PIEZO2: variants seen among roughly 807,000 people sequenced by gnomAD.
PIEZO2 encodes piezo-type mechanosensitive ion channel component 2.
Under a neutral mutation model 337.3 loss-of-function variants are expected in PIEZO2, and 172 were observed. The ratio of observed to expected loss-of-function variants is 0.51; its 90% CI spans 0.45 to 0.58. PIEZO2 has a LOEUF of 0.58. Ranked by LOEUF, PIEZO2 falls within the 20% of genes least tolerant of loss-of-function variation. The pLI is 0.00. For missense variants in PIEZO2, 3,028 were observed against 3,391.3 expected, an observed-to-expected ratio of 0.89 and a Z score of 2.66; for synonymous variants, 1,251 against 1,228.5, an observed-to-expected ratio of 1.02 and a Z score of -0.38.
intron 4 of PIEZO2, among the ~76,000 whole-genome samples, chr18:10,876,533 T>C (rs979237499): frequency 1.3e-5 from 2 of 152,312 alleles, no homozygotes; most frequent in East Asian, 1.9e-4. Context: ...TAATAAGTCT[T>C]TAATAATTTG....
chr18:11,008,811 G>T (rs1450634549), intron 2 of PIEZO2, among the ~76,000 whole-genome samples: 1 of 152,152 alleles, frequency 6.6e-6, no homozygotes, highest in Non-Finnish European at 1.5e-5. Flanking sequence ...GGGGTGACAG[G>T]CCAGCTAGGT....
chr18:10,804,049 C>G, intron 8 of PIEZO2, 55 bp from the exon 9 acceptor site: 2 of 1,523,840 alleles, frequency 1.3e-6, no homozygotes, highest in African/African-American at 2.8e-5. Context: ...CCTAGACAGC[C>G]TGGGTGGCCA....
rs1872029 is a variant in PIEZO2 at position 11,009,808 on chromosome 18, T to C, written c.161-30148A>G. Reference sequence around the variant, plus strand: ...CCTAATCCAGTATGCCCGGTGTCCTTGTAAGAAGAGGAGAGTAGGACGCGG... The same window carrying C: ...CCTAATCCAGTATGCCCGGTGTCCTCGTAAGAAGAGGAGAGTAGGACGCGG... On this transcript the variant is annotated intron_variant, in intron 2 of 55. Coordinates refer to ENST00000674853, the MANE Select transcript of PIEZO2 (RefSeq NM_001378183.1). The surrounding 1 kb of genome is among the most constrained non-coding windows in gnomAD (Gnocchi z 4.6). Among the ~76,000 whole-genome samples, 47,565 of 151,692 alleles carry C rather than the reference T, an allele frequency of 0.31. 7,763 individuals carry two copies. The highest frequency in any genetic ancestry group is 0.36 in the Non-Finnish European group (24,545 of 67,894).
chr18:10,785,588 C>G (rs1039157874), intron 16 of PIEZO2, among the ~76,000 whole-genome samples: 5 of 152,194 alleles, frequency 3.3e-5, no homozygotes, highest in Admixed American at 6.5e-5. Flanking sequence ...TATCCCTGAA[C>G]CAATAAATGG....
chr18:10,699,452 T>C (rs990817389), intron 43 of PIEZO2, among the ~76,000 whole-genome samples: 1 of 152,004 alleles, frequency 6.6e-6, no homozygotes, highest in Non-Finnish European at 1.5e-5. Context: ...AAAGGGGAGT[T>C]TCCCTGAACA....
intron 2 of PIEZO2, among the ~76,000 whole-genome samples, chr18:11,061,643 A>T (rs993939352): frequency 1.3e-5 from 2 of 151,836 alleles, no homozygotes; most frequent in African/African-American, 4.8e-5. Flanking sequence ...TCATGAGTGA[A>T]CTCCCATTCA....
intron 1 of PIEZO2, among the ~76,000 whole-genome samples, chr18:11,113,623 C>A (rs2039799999): frequency 6.6e-6 from 1 of 152,186 alleles, no homozygotes. Context: ...TCACATGATA[C>A]CCTTACCTCT....
rs1289868076 is a variant in PIEZO2, at chr18:10,820,340, GT to G, written c.918-13067del. 1.9e-3 allele frequency among the ~76,000 whole-genome samples: 282 copies of G among 144,638 alleles called. 1 individual carries two copies. Among genetic ancestry groups the G allele is most frequent in the African/African-American group, 5.4e-3 (217 of 39,848 alleles). The allele number at this position is 144,638 out of a possible 152,430, so 94.9% of individuals were successfully genotyped here. On this transcript the variant is annotated intron_variant, in intron 7 of 55. Transcript: ENST00000674853. ...GTCCTATAGCTTATGTGGTTCAGTG[GT>G]TTTTTTTTTTTCTTCCTCAATTTCT... is the stretch of plus-strand genomic sequence containing the variant.
In PIEZO2 at chr18:11,080,129, C is replaced by G. The variant is rs2038686510; in HGVS notation, c.65-13907G>C. Among the ~76,000 whole-genome samples, 2 of 150,950 alleles carry G rather than the reference C, an allele frequency of 1.3e-5. No individual in the cohort carries two copies. Among genetic ancestry groups the G allele is most frequent in the South Asian group, 4.2e-4 (2 of 4,728 alleles). ...CTAACCACTCCACACTGCTACCTCT[C>G]TCATCTACACAGAAAACACCTATAA... On this transcript the variant is annotated intron_variant, in intron 1 of 55. Coordinates refer to ENST00000674853, the MANE Select transcript of PIEZO2 (RefSeq NM_001378183.1). The surrounding 1 kb of genome is among the most constrained non-coding windows in gnomAD (Gnocchi z 5.4).
At chr18:10,689,863 C>A in intron 48 of PIEZO2, 61 bp from the exon 49 acceptor site, 1 of 1,544,410 alleles carries the variant, frequency 6.5e-7, no homozygotes, top group Non-Finnish European at 8.7e-7. Context: ...ACCCTGCTCA[C>A]CCAGGAGCTC....
At chr18:10,885,349 G>A (rs543896171) in intron 4 of PIEZO2, among the ~76,000 whole-genome samples, 18 of 152,242 alleles carry the variant, frequency 1.2e-4, no homozygotes, top group African/African-American at 2.9e-4. Flanking sequence ...GCATGAACCC[G>A]GGAGGTGGAG....
At chr18:10,947,976 A>T (rs264154) in intron 3 of PIEZO2, among the ~76,000 whole-genome samples, 85,979 of 151,148 alleles carry the variant, frequency 0.57, 24,713 homozygotes, top group African/African-American at 0.62. Context: ...TAAAAATGAA[A>T]TTTAAAAGCA....
At chr18:10,970,409 G>T (rs948697062) in intron 3 of PIEZO2, among the ~76,000 whole-genome samples, 1 of 152,162 alleles carries the variant, frequency 6.6e-6, no homozygotes, top group Admixed American at 6.5e-5. Flanking sequence ...GCATGCACAC[G>T]GGTGCCCAGG....
At chr18:10,866,959 C>T (rs1278272766) in intron 5 of PIEZO2, among the ~76,000 whole-genome samples, 1 of 152,096 alleles carries the variant, frequency 6.6e-6, no homozygotes, top group Non-Finnish European at 1.5e-5. Context: ...GAAGTTTTGC[C>T]CAGTTTCTGA....
At chr18:10,911,774 A>AAGC (rs1568190952) in intron 3 of PIEZO2, among the ~76,000 whole-genome samples, 6 of 150,264 alleles carry the variant, frequency 4.0e-5, no homozygotes, top group African/African-American at 1.5e-4. Context: ...AAACAAAACA[A>AAGC]AACAACAACA....
rs1025096635 is a variant in PIEZO2 at position 11,128,553 on chromosome 18, G to A, written c.64+19972C>T. ...GAACAGCTTCCCCATCCCCAGTAGCGGCAACATCCCTTCCCAAACCACGCT... is the reference window on the plus strand; with the variant it reads ...GAACAGCTTCCCCATCCCCAGTAGCAGCAACATCCCTTCCCAAACCACGCT... On this transcript the variant is annotated intron_variant, in intron 1 of 55. Transcript: ENST00000674853. The surrounding 1 kb of genome is among the most constrained non-coding windows in gnomAD (Gnocchi z 4.1). Among the ~76,000 whole-genome samples the A allele has an allele frequency of 6.6e-6, 1 of 152,096 alleles. No homozygotes were observed. The highest frequency in any genetic ancestry group is 3.2e-3 in the Middle Eastern group (1 of 316).
At chr18:11,050,891 C>G (rs1415318082) in intron 2 of PIEZO2, among the ~76,000 whole-genome samples, 2 of 145,140 alleles carry the variant, frequency 1.4e-5, no homozygotes, top group African/African-American at 5.5e-5. Context: ...CAAAATTTAC[C>G]AGGTTTAAAA....
Position 10,837,897 on chromosome 18 carries a change from G to A in PIEZO2, c.917+17456C>T, listed in dbSNP as rs898405299. ...CTCCCGAGTAGCTGGGATTACTGGT[G>A]CCTGCCACCATGCCCGGCTAATTTT... On this transcript the variant is annotated intron_variant, in intron 7 of 55. Transcript: ENST00000674853. This position sits in a 1 kb window ranked among gnomAD's most constrained non-coding sequence, Gnocchi z 4.4. 2.0e-5 allele frequency among the ~76,000 whole-genome samples: 3 copies of A among 152,036 alleles called. No homozygotes were observed. The highest frequency in any genetic ancestry group is 4.4e-5 in the Non-Finnish European group (3 of 68,002).
At position 10,904,778 on chromosome 18, in the gene PIEZO2, C is replaced by G. The variant is rs2043134873; in HGVS notation, c.329+6408G>C. Among the ~76,000 whole-genome samples, 6 of 152,362 alleles carry G rather than the reference C, an allele frequency of 3.9e-5. No individual in the cohort carries two copies. The South Asian group carries it at 1.2e-3, about 32-fold the overall frequency. ...TTTAATACGAGCAAGAAATCACCCT[C>G]TGGTCTTTTAAGTCACTGAGATATG... On this transcript the variant is annotated intron_variant, in intron 4 of 55. Transcript: ENST00000674853.
Sources: gnomAD v4.1 joint callset for allele counts (sites outside exome capture counted in the v4.1 genomes callset) on GRCh38, gnomAD v4.1.1 for gene constraint, Gnocchi (gnomAD v3.1) non-coding constraint, MANE v1.5 for transcripts, NCBI Gene and HGNC (gene_info 2026-07-23, HGNC 2026-07-21) for gene names.